The following ATP2C2 variants were observed in gnomAD, a reference collection of about 807,000 sequenced individuals.
The protein encoded by ATP2C2 is calcium-transporting ATPase type 2C member 2.
ATP2C2 carries 171 observed loss-of-function variants against 110.8 expected under a neutral mutation model. The ratio of observed to expected loss-of-function variants is 1.54; its 90% CI spans 1.36 to 1.75. The LOEUF (loss-of-function observed/expected upper bound fraction) is 1.75. ATP2C2 is among the 40% of genes most tolerant of loss of function. The pLI is 0.00. For synonymous variants in ATP2C2, 804 were observed against 508.4 expected, an observed-to-expected ratio of 1.58 and a Z score of -7.82; for missense variants, 1,963 against 1,235.0, an observed-to-expected ratio of 1.59 and a Z score of -8.84.
chr16:84,410,449 C>A, intron 4 of ATP2C2, 119 bp from the exon 5 acceptor site: 1 of 1,187,050 alleles, frequency 8.4e-7, no homozygotes, highest in Non-Finnish European at 1.3e-6. Flanking sequence ...CTGTACTGTG[C>A]ACATGTTTTG....
rs1906735214 is a variant in ATP2C2, at chr16:84,415,337, T to A, written c.516-146T>A. On this transcript the variant is annotated intron_variant, in intron 6 of 26. Transcript: ENST00000262429. ...CTAAAGTCTTATAGGATATGTTAATTTCAAAATAATAACACCCCAAAGGCA... is the reference window on the plus strand; with the variant it reads ...CTAAAGTCTTATAGGATATGTTAATATCAAAATAATAACACCCCAAAGGCA... 5 of 684,474 alleles carry A rather than the reference T, an allele frequency of 7.3e-6. No homozygotes were observed. In the East Asian group the frequency reaches 1.3e-4, roughly 18 times the overall value. 42.4% of individuals were successfully genotyped at this position (684,474 alleles called of 1,614,324 possible). A position where few individuals can be genotyped will look rare whatever the true frequency, so the allele number is the denominator to read the frequency against.
chr16:84,387,183 C>A (rs2151404899), intron 1 of ATP2C2, among the ~76,000 whole-genome samples: 1 of 152,276 alleles, frequency 6.6e-6, no homozygotes, highest in Non-Finnish European at 1.5e-5. Flanking sequence ...ACTCGTATCT[C>A]CTGGAGGGCT....
chr16:84,418,944 C>T (rs1262667364), intron 7 of ATP2C2, among the ~76,000 whole-genome samples: 1 of 152,066 alleles, frequency 6.6e-6, no homozygotes. Flanking sequence ...CGCGGTGGCT[C>T]ACTCCTGTAA....
chr16:84,382,133 C>T (rs1370903875), intron 1 of ATP2C2, among the ~76,000 whole-genome samples: 1 of 152,188 alleles, frequency 6.6e-6, no homozygotes. Flanking sequence ...TATCCCTCCC[C>T]TCTCCCCACA....
In ATP2C2 at chr16:84,459,286, A is replaced by T; in HGVS notation, c.2233A>T (p.Ser745Cys). 2.5e-6 allele frequency: 4 copies of T among 1,614,166 alleles called. No individual in the cohort carries two copies. Among genetic ancestry groups the T allele is most frequent in the Middle Eastern group, 1.6e-4 (1 of 6,062 alleles). Residue 745 changes from serine to cysteine, a missense_variant, in exon 23 of 27, where the codon AGT becomes TGT. Physicochemically the swap from Ser to Cys is moderately radical, Grantham distance 112. Transcript: ENST00000262429. ...GCCCCGCAGGAGCATCTCCGCCCTG[A>T]GTCTCATCACTCTGTCCACCGTGTT... Reference protein sequence around the residue: ...FQLSTSISALSLITLSTVFNL... With the variant: ...FQLSTSISALCLITLSTVFNL...
intron 7 of ATP2C2, 76 bp from the exon 8 acceptor site, chr16:84,422,314 G>C: frequency 1.3e-6 from 2 of 1,506,182 alleles, no homozygotes; most frequent in Non-Finnish European, 1.8e-6. Flanking sequence ...GAAGGTGCTG[G>C]TACCATTTTG....
At position 84,389,284 on chromosome 16, in the gene ATP2C2, C is replaced by G. The variant is rs140175494; in HGVS notation, c.100-9215C>G. On this transcript the variant is annotated intron_variant, in intron 1 of 26. Coordinates refer to ENST00000262429, the MANE Select transcript of ATP2C2 (RefSeq NM_014861.4). The stretch of plus-strand genomic sequence containing the variant: ...TTCCAGTACCTCTCTCAACTGCTTT[C>G]TCACAATTCCTGGGTGCCTTTCTAG... 2.1e-3 allele frequency among the ~76,000 whole-genome samples: 321 copies of G among 152,330 alleles called. 4 individuals are homozygous for G. Among genetic ancestry groups the G allele is most frequent in the South Asian group, 0.011 (55 of 4,832 alleles).
chr16:84,461,841 C>T (rs1438207160), intron 25 of ATP2C2, 29 bp downstream of exon 25: 1 of 1,610,218 alleles, frequency 6.2e-7, no homozygotes, highest in Non-Finnish European at 8.5e-7. Flanking sequence ...CTCCTCGCTG[C>T]AGAGCTGCTG....
chr16:84,451,997 A>G lies in ATP2C2; in HGVS notation c.1737A>G (p.Arg579=). ...TTGTGGGCATCATTGACCCCCCGAG[A>G]GTTGGCGTGAAGGAAGCAGTCCAGG... is the stretch of plus-strand genomic sequence containing the variant. The part of the protein sequence containing the change: ...LGLVGIIDPP[R]VGVKEAVQVL... Residue 579 remains arginine (R), a synonymous_variant, in exon 18 of 27, where the codon AGA becomes AGG. Coordinates refer to ENST00000262429, the MANE Select transcript of ATP2C2 (RefSeq NM_014861.4). 6.2e-7 allele frequency: 1 copy of G among 1,613,218 alleles called. No homozygotes were observed. The highest frequency in any genetic ancestry group is 8.5e-7 in the Non-Finnish European group (1 of 1,179,850).
intron 10 of ATP2C2, among the ~76,000 whole-genome samples, chr16:84,425,347 T>TG (rs1283173565): frequency 2.0e-5 from 3 of 152,130 alleles, no homozygotes; most frequent in African/African-American, 7.2e-5. Context: ...TAAAATAATT[T>TG]GAAAAAACAG....
intron 1 of ATP2C2, among the ~76,000 whole-genome samples, chr16:84,375,500 C>G (rs1418656157): frequency 6.6e-6 from 1 of 151,208 alleles, no homozygotes; most frequent in African/African-American, 2.4e-5. Context: ...AAGATCATGT[C>G]CCTGCACTTC....
intron 15 of ATP2C2, 118 bp downstream of exon 15, chr16:84,442,717 A>G: frequency 3.0e-6 from 3 of 993,778 alleles, no homozygotes; most frequent in Non-Finnish European, 4.7e-6. Context: ...ATCATGGAAG[A>G]AAATGGCCCA....
intron 17 of ATP2C2, among the ~76,000 whole-genome samples, chr16:84,449,357 G>A (rs561359510): frequency 2.0e-5 from 3 of 152,336 alleles, no homozygotes; most frequent in African/African-American, 7.2e-5. Flanking sequence ...TGAAGCCAGC[G>A]CCGAGCACGT....
At chr16:84,461,845 G>A (rs1426458874) in intron 25 of ATP2C2, 33 bp downstream of exon 25, 3 of 1,610,126 alleles carry the variant, frequency 1.9e-6, no homozygotes, top group Non-Finnish European at 2.6e-6. Flanking sequence ...TCGCTGCAGA[G>A]CTGCTGTGTG....
chr16:84,426,869 G>A (rs954296178), intron 11 of ATP2C2, among the ~76,000 whole-genome samples: 1 of 152,172 alleles, frequency 6.6e-6, no homozygotes, highest in African/African-American at 2.4e-5. Context: ...TCTACGTAGT[G>A]ATTCATAAGT....
At chr16:84,387,944 G>A (rs1194274157) in intron 1 of ATP2C2, among the ~76,000 whole-genome samples, 1 of 146,398 alleles carries the variant, frequency 6.8e-6, no homozygotes, top group Non-Finnish European at 1.5e-5. Context: ...TTTTTTAATA[G>A]AAGCACCTGG....
At chr16:84,389,041 G>A (rs1904492017) in intron 1 of ATP2C2, among the ~76,000 whole-genome samples, 1 of 152,158 alleles carries the variant, frequency 6.6e-6, no homozygotes, top group South Asian at 2.1e-4. Flanking sequence ...ACAGGCATGA[G>A]CCACCGCGCC....
rs111439970 is a variant in ATP2C2, at chr16:84,386,468, C to T, written c.100-12031C>T. 1.7e-3 allele frequency among the ~76,000 whole-genome samples: 259 copies of T among 152,316 alleles called. 1 individual carries two copies. The highest frequency in any genetic ancestry group is 5.8e-3 in the African/African-American group (243 of 41,580). On this transcript the variant is annotated intron_variant, in intron 1 of 26. Coordinates refer to ENST00000262429, the MANE Select transcript of ATP2C2 (RefSeq NM_014861.4). The stretch of plus-strand genomic sequence containing the variant: ...TTTCCCTGTATGTAACCCATCTCCT[C>T]ACCTTGCCAACAATTGCACTGGCCA...
At chr16:84,414,488 G>A (rs13335444) in intron 6 of ATP2C2, among the ~76,000 whole-genome samples, 64,293 of 151,880 alleles carry the variant, frequency 0.42, 14,672 homozygotes, top group Non-Finnish European at 0.53. Context: ...GTGCACGCGC[G>A]TGTACAGTAA....
Sources: gnomAD v4.1 joint callset for allele counts (sites outside exome capture counted in the v4.1 genomes callset) on GRCh38, gnomAD v4.1.1 for gene constraint, MANE v1.5 for transcripts, NCBI Gene and HGNC (gene_info 2026-07-23, HGNC 2026-07-21) for gene names.